Variants in PCGF3 observed in about 807,000 individuals in gnomAD.
PCGF3 encodes polycomb group ring finger 3, also known as polycomb group RING finger protein 3.
PCGF3 carries 7 observed loss-of-function variants against 33.1 expected under a neutral mutation model. The ratio of observed to expected loss-of-function variants is 0.21; its 90% CI spans 0.12 to 0.40. The LOEUF is 0.40. Ranked by LOEUF, PCGF3 falls within the 10% of genes least tolerant of loss-of-function variation. The probability of loss-of-function intolerance (pLI) is 1.00; values close to 1 mark genes in which losing one functional copy is unlikely to be tolerated. For missense variants in PCGF3, 211 were observed against 313.3 expected, an observed-to-expected ratio of 0.67 and a Z score of 2.46; for synonymous variants, 153 against 121.3, an observed-to-expected ratio of 1.26 and a Z score of -1.72.
At chr4:722,965 C>T (rs1228732995) in intron 1 of PCGF3, among the ~76,000 whole-genome samples, 3 of 144,966 alleles carry the variant, frequency 2.1e-5, no homozygotes, top group Non-Finnish European at 3.0e-5. Flanking sequence ...CCGCCCGCGC[C>T]GGGTCCACAC....
At chr4:728,102 T>G (rs1743402397) in intron 1 of PCGF3, among the ~76,000 whole-genome samples, 1 of 152,164 alleles carries the variant, frequency 6.6e-6, no homozygotes. Flanking sequence ...TTTATTAGGG[T>G]CAAGTTCATC....
At chr4:752,034 C>T (rs765297590) in intron 8 of PCGF3, among the ~76,000 whole-genome samples, 6 of 152,270 alleles carry the variant, frequency 3.9e-5, no homozygotes, top group African/African-American at 1.4e-4. Context: ...TTACTCACAA[C>T]GATGTCTTCT....
chr4:757,266 C>G (rs1388785953), intron 8 of PCGF3: 2 of 152,224 alleles, frequency 1.3e-5, no homozygotes, highest in Non-Finnish European at 2.9e-5. Context: ...CCTGCGGGCC[C>G]CATGCACTGC....
intron 9 of PCGF3, among the ~76,000 whole-genome samples, chr4:763,151 A>G (rs1362741212): frequency 2.6e-5 from 4 of 152,060 alleles, no homozygotes; most frequent in Non-Finnish European, 5.9e-5. Context: ...GGGGGAAGGG[A>G]GAGAAGGAAA....
intron 9 of PCGF3, 95 bp downstream of exon 9, chr4:761,511 A>G (rs2152621792): frequency 6.9e-7 from 1 of 1,445,444 alleles, no homozygotes; most frequent in Non-Finnish European, 9.2e-7. Context: ...TTTGTTTTTA[A>G]CAATTTTGGA....
chr4:718,358 C>T (rs1463989447), intron 1 of PCGF3, among the ~76,000 whole-genome samples: 3 of 151,944 alleles, frequency 2.0e-5, no homozygotes, highest in East Asian at 1.9e-4. Context: ...TGCAGGCCTG[C>T]GGGGCCTGGG....
intron 10 of PCGF3, 66 bp downstream of exon 10, chr4:765,130 A>C: frequency 8.8e-7 from 1 of 1,133,478 alleles, no homozygotes; most frequent in African/African-American, 1.5e-5. Flanking sequence ...TGCATCTCTT[A>C]TCTAAAATGT....
chr4:734,011 G>T, intron 4 of PCGF3: 1 of 1,550,958 alleles, frequency 6.4e-7, no homozygotes, highest in Middle Eastern at 1.7e-4. Context: ...GCTTAGGAGA[G>T]CGAAACACAG....
In PCGF3 at chr4:733,960, G is replaced by A. The variant is rs778005866; in HGVS notation, c.109+171G>A. On this transcript the variant is annotated intron_variant, in intron 4 of 10. Transcript: ENST00000362003. ...AGATAAGTCAGAAAAGTCATTTCACGCTAAAGGTCCTGTGGGTGGTGTCAG... is the reference window on the plus strand; with the variant it reads ...AGATAAGTCAGAAAAGTCATTTCACACTAAAGGTCCTGTGGGTGGTGTCAG... The A allele has an allele frequency of 1.1e-4, 169 of 1,551,834 alleles. No homozygotes were observed. The South Asian group carries it at 1.8e-3, about 17-fold the overall frequency.
intron 4 of PCGF3, chr4:734,408 T>A: frequency 1.5e-6 from 2 of 1,372,444 alleles, no homozygotes; most frequent in Non-Finnish European, 1.9e-6. Context: ...AAATGAAGTG[T>A]ACGCTTATAA....
In PCGF3 at chr4:715,212, G is replaced by A. The variant is rs796277647; in HGVS notation, c.-190+9242G>A. ...GACACTGCGAGTGTGAGAACTGGGTGTTGGTGCTGGGACCCTGTAGACACT... is the reference window on the plus strand; with the variant it reads ...GACACTGCGAGTGTGAGAACTGGGTATTGGTGCTGGGACCCTGTAGACACT... On this transcript the variant is annotated intron_variant, in intron 1 of 10. Transcript: ENST00000362003. Among the ~76,000 whole-genome samples the A allele has an allele frequency of 1.2e-3, 124 of 106,864 alleles. 10 individuals carry two copies. Among genetic ancestry groups the A allele is most frequent in the Middle Eastern group, 6.8e-3 (1 of 146 alleles). 70.1% of individuals were successfully genotyped at this position (106,864 alleles called of 152,430 possible).
chr4:737,676 T>C, intron 6 of PCGF3, 155 bp downstream of exon 6: 1 of 624,788 alleles, frequency 1.6e-6, no homozygotes, highest in Non-Finnish European at 2.8e-6. Context: ...TTCATCTCCT[T>C]GGCTGGTCTC....
chr4:758,664 C>A (rs1359315874), intron 8 of PCGF3, among the ~76,000 whole-genome samples: 1 of 106,468 alleles, frequency 9.4e-6, no homozygotes. Context: ...CTTCCGGACT[C>A]CAGGTCTTTC....
chr4:737,229 A>T (rs1372355109), intron 5 of PCGF3, among the ~76,000 whole-genome samples: 1 of 152,214 alleles, frequency 6.6e-6, no homozygotes, highest in East Asian at 1.9e-4. Flanking sequence ...TTCCCAGAAG[A>T]GCCTTCTCTG....
chr4:751,494 G>A (rs903409113), intron 8 of PCGF3, among the ~76,000 whole-genome samples: 1 of 152,076 alleles, frequency 6.6e-6, no homozygotes, highest in African/African-American at 2.4e-5. Flanking sequence ...CTGAGCTCCT[G>A]CCGGTCACGG....
At chr4:710,222 C>G (rs1742507029) in intron 1 of PCGF3, among the ~76,000 whole-genome samples, 1 of 152,242 alleles carries the variant, frequency 6.6e-6, no homozygotes, top group African/African-American at 2.4e-5. Flanking sequence ...TGTGTCTCCT[C>G]TGAAGGCTGG....
At chr4:766,040 G>T (rs769397356) in exon 11 of PCGF3, 2 of 1,614,028 alleles carry the variant, frequency 1.2e-6, no homozygotes, top group East Asian at 2.2e-5. Context: ...AGAAGGCGCC[G>T]CTCCTGCTGC....
At chr4:712,299 T>C (rs927572091) in intron 1 of PCGF3, among the ~76,000 whole-genome samples, 3 of 152,244 alleles carry the variant, frequency 2.0e-5, no homozygotes, top group Admixed American at 2.0e-4. Context: ...GGTGCATTTT[T>C]GTAGAATTAT....
chr4:734,536 G>T, intron 4 of PCGF3: 1 of 1,176,650 alleles, frequency 8.5e-7, no homozygotes, highest in Non-Finnish European at 1.1e-6. Context: ...TTTATGTTAG[G>T]TTATTTTCAT....
Sources: allele counts gnomAD v4.1 joint callset (sites outside exome capture counted in the v4.1 genomes callset), GRCh38; gene constraint gnomAD v4.1.1; transcripts MANE v1.5; gene names NCBI Gene and HGNC (gene_info 2026-07-23, HGNC 2026-07-21).